ABCA10: variants seen among roughly 807,000 people sequenced by gnomAD.
The protein encoded by ABCA10 is ATP-binding cassette sub-family A member 10.
ABCA10 carries 169 observed loss-of-function variants against 187.5 expected under a neutral mutation model. That is an observed-to-expected ratio of 0.90 (90% CI 0.80 to 1.02). ABCA10 has a LOEUF of 1.02. ABCA10 is among the 50% of genes least tolerant of loss of function. ABCA10 has a pLI of 0.00. For missense variants in ABCA10, 1,727 were observed against 1,812.4 expected, an observed-to-expected ratio of 0.95 and a Z score of 0.86; for synonymous variants, 574 against 601.8, an observed-to-expected ratio of 0.95 and a Z score of 0.68.
chr17:69,234,021 G>A (rs149887955), intron 1 of ABCA10: 1 of 153,010 alleles, frequency 6.5e-6, no homozygotes, highest in Non-Finnish European at 1.5e-5. Flanking sequence ...TAGCAGGTGA[G>A]GCCAGGGCTG....
chr17:69,241,328 C>T (rs1395294547), intron 1 of ABCA10, among the ~76,000 whole-genome samples: 1 of 152,176 alleles, frequency 6.6e-6, no homozygotes, highest in Non-Finnish European at 1.5e-5. Flanking sequence ...TTCAACTCAC[C>T]ATCTCTTGCC....
At position 69,210,839 on chromosome 17, in the gene ABCA10, T is replaced by TATATATATATATATA. The variant is rs1568069864; in HGVS notation, c.1006+3864_1006+3865insTATATATATATATAT. On this transcript the variant is annotated intron_variant, in intron 9 of 38. Coordinates refer to ENST00000690296, the MANE Select transcript of ABCA10 (RefSeq NM_001377321.1). ...ATACATATATATATATGCCACATAT[T>TATATATATATATATA]TATGCCACATATATATATATATATA... Among the ~76,000 whole-genome samples, 127 of 31,068 alleles carry TATATATATATATATA rather than the reference T, an allele frequency of 4.1e-3. 9 individuals carry two copies. Among genetic ancestry groups the TATATATATATATATA allele is most frequent in the African/African-American group, 7.7e-3 (117 of 15,102 alleles). 20.4% of individuals were successfully genotyped at this position (31,068 alleles called of 152,430 possible).
intron 25 of ABCA10, 25 bp downstream of exon 25, chr17:69,174,256 T>C (rs761533541): frequency 2.7e-6 from 4 of 1,456,896 alleles, no homozygotes; most frequent in Admixed American, 2.3e-5. Context: ...TTAATATAAA[T>C]GTGCACGCAT....
At chr17:69,209,718 G>A (rs1180488246) in intron 9 of ABCA10, among the ~76,000 whole-genome samples, 2 of 151,888 alleles carry the variant, frequency 1.3e-5, no homozygotes, top group African/African-American at 2.4e-5. Flanking sequence ...TACCTTCTGA[G>A]AATGTGTCAT....
chr17:69,239,949 T>C (rs1008598685), intron 1 of ABCA10, among the ~76,000 whole-genome samples: 3 of 152,324 alleles, frequency 2.0e-5, no homozygotes, highest in African/African-American at 4.8e-5. Context: ...TCATGTACCA[T>C]GGCTTTTCAA....
At position 69,153,325 on chromosome 17, in the gene ABCA10, G is replaced by A. The variant is rs777109521; in HGVS notation, c.4116C>T (p.Pro1372=). 3.7e-6 allele frequency: 6 copies of A among 1,612,566 alleles called. No homozygotes were observed. The Admixed American group carries it at 5.0e-5, about 13-fold the overall frequency. Reference sequence around the variant, plus strand: ...CTTACCACATTTGCTGCTGCCCCTCGGGGTCCATCCCGGTGAACGGCTCAT... The same window carrying A: ...CTTACCACATTTGCTGCTGCCCCTCAGGGTCCATCCCGGTGAACGGCTCAT... ...LLDEPFTGMD[P]EGQQQMWQIL... The change falls in exon 34 of 39, where the codon CCC becomes CCT. Residue 1372 remains proline, a synonymous_variant. Coordinates refer to ENST00000690296, the MANE Select transcript of ABCA10 (RefSeq NM_001377321.1).
intron 17 of ABCA10, among the ~76,000 whole-genome samples, chr17:69,190,865 A>C (rs138969551): frequency 2.6e-5 from 4 of 151,916 alleles, no homozygotes; most frequent in Non-Finnish European, 5.9e-5. Context: ...AACTGCTTAC[A>C]TATATTTTAA....
intron 25 of ABCA10, among the ~76,000 whole-genome samples, chr17:69,166,742 C>G (rs888507200): frequency 6.6e-6 from 1 of 152,154 alleles, no homozygotes; most frequent in Non-Finnish European, 1.5e-5. Context: ...AATCAAGAGG[C>G]AGCAGACAAG....
rs531953524 is a variant in ABCA10 at position 69,203,737 on chromosome 17, G to A, written c.1007-2069C>T. On this transcript the variant is annotated intron_variant, in intron 9 of 38. Coordinates refer to ENST00000690296, the MANE Select transcript of ABCA10 (RefSeq NM_001377321.1). ...TCTGTCTCCATTTTTTGCACCAGTCGTTCTAATGCTTTTGGATTTTTTGTA... is the reference window on the plus strand; with the variant it reads ...TCTGTCTCCATTTTTTGCACCAGTCATTCTAATGCTTTTGGATTTTTTGTA... 4.6e-4 allele frequency among the ~76,000 whole-genome samples: 70 copies of A among 152,216 alleles called. No homozygotes were observed. The South Asian group carries it at 9.9e-3, about 22-fold the overall frequency.
chr17:69,173,528 T>C (rs1277646228), intron 25 of ABCA10, among the ~76,000 whole-genome samples: 1 of 152,138 alleles, frequency 6.6e-6, no homozygotes, highest in East Asian at 1.9e-4. Flanking sequence ...AGAGTCAAAG[T>C]GTAGACCTTG....
chr17:69,223,582 T>C, intron 3 of ABCA10: 1 of 372,138 alleles, frequency 2.7e-6, no homozygotes, highest in South Asian at 1.9e-5. Flanking sequence ...CAGGGTGAAA[T>C]CTACATTAAG....
chr17:69,216,163 C>T, intron 7 of ABCA10, 54 bp downstream of exon 7: 5 of 1,559,858 alleles, frequency 3.2e-6, no homozygotes, highest in Non-Finnish European at 4.3e-6. Context: ...ATTATTTGCT[C>T]ATGTATCTGT....
intron 1 of ABCA10, chr17:69,234,777 C>G (rs190992325): frequency 1.3e-3 from 197 of 152,250 alleles, no homozygotes; most frequent in African/African-American, 4.4e-3. Flanking sequence ...TTGCATAGAG[C>G]AATGAAACAA....
At chr17:69,156,522 T>C (rs2074175594) in intron 28 of ABCA10, among the ~76,000 whole-genome samples, 2 of 152,272 alleles carry the variant, frequency 1.3e-5, no homozygotes, top group South Asian at 4.1e-4. Flanking sequence ...AATAAACTGA[T>C]GTTAAATGTA....
chr17:69,166,841 T>C (rs951100426), intron 25 of ABCA10, among the ~76,000 whole-genome samples: 3 of 152,086 alleles, frequency 2.0e-5, no homozygotes, highest in African/African-American at 7.2e-5. Flanking sequence ...CTCCCTATTC[T>C]GGGGGGAAAA....
At chr17:69,151,658 T>A (rs529329793) in intron 36 of ABCA10, among the ~76,000 whole-genome samples, 2 of 152,332 alleles carry the variant, frequency 1.3e-5, no homozygotes, top group East Asian at 1.9e-4. Context: ...CATGGAAGTC[T>A]GTGTTACGGA....
At chr17:69,197,208 CACA>C in intron 10 of ABCA10, 86 bp from the exon 11 acceptor site, 2 of 1,063,488 alleles carry the variant, frequency 1.9e-6, no homozygotes, top group Non-Finnish European at 2.8e-6. Context: ...GCCTGAACTT[CACA>C]GTAAAGGGTA....
At chr17:69,186,126 T>C (rs940697606) in intron 19 of ABCA10, among the ~76,000 whole-genome samples, 3 of 152,198 alleles carry the variant, frequency 2.0e-5, no homozygotes, top group Non-Finnish European at 4.4e-5. Context: ...ACTATTTTTA[T>C]ATCCTAGAAG....
chr17:69,209,702 T>C (rs2144828161), intron 9 of ABCA10, among the ~76,000 whole-genome samples: 1 of 101,350 alleles, frequency 9.9e-6, no homozygotes, highest in East Asian at 2.1e-4. Context: ...CACTGAACAA[T>C]GGGGATACCT....
Sources: allele counts gnomAD v4.1 joint callset (sites outside exome capture counted in the v4.1 genomes callset), GRCh38; gene constraint gnomAD v4.1.1; transcripts MANE v1.5; gene names NCBI Gene and HGNC (gene_info 2026-07-23, HGNC 2026-07-21).